The following ST8SIA4 variants were observed in gnomAD, a reference collection of about 807,000 sequenced individuals.
The protein encoded by ST8SIA4 is ST8 alpha-N-acetyl-neuraminide alpha-2,8-sialyltransferase 4.
ST8SIA4 carries 15 observed loss-of-function variants against 33.9 expected under a neutral mutation model. The observed-to-expected ratio is 0.44, with a 90% CI of 0.30 to 0.68. ST8SIA4 has a LOEUF of 0.68. Among genes scored for constraint, ST8SIA4 ranks in the 30% least tolerant of loss-of-function variants. ST8SIA4 has a pLI of 0.10. For synonymous variants in ST8SIA4, 171 were observed against 151.2 expected (o/e 1.13, Z -0.96); for missense variants, 321 against 428.0 (o/e 0.75, Z 2.21).
At chr5:100,869,293 T>C (rs915149748) in intron 3 of ST8SIA4, among the ~76,000 whole-genome samples, 13 of 152,158 alleles carry the variant, frequency 8.5e-5, no homozygotes, top group Non-Finnish European at 1.6e-4. Context: ...ATAAGTATGA[T>C]AGTTGAAAAA....
intron 3 of ST8SIA4, among the ~76,000 whole-genome samples, chr5:100,863,145 G>A (rs1751984164): frequency 6.6e-6 from 1 of 152,158 alleles, no homozygotes; most frequent in African/African-American, 2.4e-5. Context: ...CATGCAGAAA[G>A]TCACTCCCAG....
chr5:100,853,512 C>T lies in ST8SIA4; in HGVS notation c.797+2591G>A, dbSNP rs538767994. Among the ~76,000 whole-genome samples the T allele has an allele frequency of 2.0e-5, 3 of 152,198 alleles. No homozygotes were observed. In the East Asian group the frequency reaches 5.8e-4, roughly 29 times the overall value. ...ATTCAAAATCAGTTTAGAAAATATGCCTAATTCATAGTAACCAAAAAAAGC... is the reference window on the plus strand; with the variant it reads ...ATTCAAAATCAGTTTAGAAAATATGTCTAATTCATAGTAACCAAAAAAAGC... On this transcript the variant is annotated intron_variant, in intron 4 of 4. Transcript: ENST00000231461.
rs556629596 is a variant in ST8SIA4, at chr5:100,881,825, C to T, written c.503+4518G>A. Among the ~76,000 whole-genome samples the T allele has an allele frequency of 6.6e-5, 10 of 152,194 alleles. No homozygotes were observed. In the South Asian group the frequency reaches 1.0e-3, roughly 16 times the overall value. On this transcript the variant is annotated intron_variant, in intron 3 of 4. Coordinates refer to ENST00000231461, the MANE Select transcript of ST8SIA4 (RefSeq NM_005668.6). ...ATCTGATGGTTTTATCTAGGGTTTC[C>T]GCTTTTGCATCTTCCCCAGTTTCTC...
intron 1 of ST8SIA4, chr5:100,900,334 G>C: frequency 2.2e-6 from 1 of 446,906 alleles, no homozygotes; most frequent in South Asian, 1.6e-5. Flanking sequence ...ATACTGGACC[G>C]GGATCTGGAG....
intron 4 of ST8SIA4, among the ~76,000 whole-genome samples, chr5:100,824,363 A>G (rs1025933653): frequency 6.6e-5 from 10 of 152,160 alleles, no homozygotes; most frequent in Non-Finnish European, 1.3e-4. Flanking sequence ...TATTGGGGAA[A>G]TATTAAGTTT....
At chr5:100,866,070 G>A (rs1752054575) in intron 3 of ST8SIA4, among the ~76,000 whole-genome samples, 1 of 152,210 alleles carries the variant, frequency 6.6e-6, no homozygotes, top group East Asian at 1.9e-4. Flanking sequence ...AATTCTCAGT[G>A]CCTTCAGAAT....
intron 4 of ST8SIA4, among the ~76,000 whole-genome samples, chr5:100,818,617 G>A (rs1313615384): frequency 6.6e-6 from 1 of 152,162 alleles, no homozygotes; most frequent in Non-Finnish European, 1.5e-5. Context: ...ACTTTAAGAG[G>A]TCAATTGTTA....
At chr5:100,823,908 C>T (rs892729145) in intron 4 of ST8SIA4, among the ~76,000 whole-genome samples, 1 of 152,158 alleles carries the variant, frequency 6.6e-6, no homozygotes, top group Non-Finnish European at 1.5e-5. Context: ...AACTTTTTTA[C>T]TGACAGTTTG....
chr5:100,857,124 C>T (rs1168943760), intron 3 of ST8SIA4, among the ~76,000 whole-genome samples: 1 of 151,994 alleles, frequency 6.6e-6, no homozygotes, highest in Non-Finnish European at 1.5e-5. Flanking sequence ...ACGTATGCAT[C>T]CCTGGGGAAT....
intron 4 of ST8SIA4, among the ~76,000 whole-genome samples, chr5:100,854,834 C>T (rs531491225): frequency 6.6e-6 from 1 of 152,204 alleles, no homozygotes; most frequent in South Asian, 2.1e-4. Flanking sequence ...ATTTAATTGG[C>T]CCCCTGAACT....
chr5:100,874,186 T>G (rs1752256957), intron 3 of ST8SIA4, among the ~76,000 whole-genome samples: 1 of 152,144 alleles, frequency 6.6e-6, no homozygotes, highest in South Asian at 2.1e-4. Flanking sequence ...TTTCAAACTC[T>G]CAATTCTTGA....
chr5:100,832,057 G>C (rs571290485), intron 4 of ST8SIA4, among the ~76,000 whole-genome samples: 4 of 152,054 alleles, frequency 2.6e-5, no homozygotes, highest in Non-Finnish European at 5.9e-5. Flanking sequence ...TAGTTTAAAT[G>C]CTATTTTAAT....
intron 3 of ST8SIA4, among the ~76,000 whole-genome samples, chr5:100,867,337 C>A (rs913379401): frequency 1.3e-5 from 2 of 152,018 alleles, no homozygotes; most frequent in Non-Finnish European, 2.9e-5. Flanking sequence ...CCAAAATCAT[C>A]AGGGAAACTG....
chr5:100,884,490 C>T (rs1442651909), intron 3 of ST8SIA4, among the ~76,000 whole-genome samples: 3 of 152,138 alleles, frequency 2.0e-5, no homozygotes, highest in Non-Finnish European at 4.4e-5. Context: ...AACCTATAGG[C>T]TTGCCATAGC....
intron 3 of ST8SIA4, chr5:100,885,787 T>G: frequency 1.1e-6 from 1 of 908,764 alleles, no homozygotes; most frequent in African/African-American, 1.8e-5. Context: ...CATGCACGCT[T>G]AATTATGTTA....
chr5:100,848,055 C>T (rs972989256), intron 4 of ST8SIA4, among the ~76,000 whole-genome samples: 1 of 151,776 alleles, frequency 6.6e-6, no homozygotes, highest in Admixed American at 6.6e-5. Context: ...GTTATTTAGT[C>T]ACTTAAAGTA....
intron 4 of ST8SIA4, among the ~76,000 whole-genome samples, chr5:100,840,974 T>C (rs1414138929): frequency 6.6e-6 from 1 of 151,826 alleles, no homozygotes; most frequent in East Asian, 1.9e-4. Flanking sequence ...ACACTCAGTG[T>C]CACAGTAAGA....
At chr5:100,839,195 A>G (rs1751424598) in intron 4 of ST8SIA4, among the ~76,000 whole-genome samples, 1 of 152,000 alleles carries the variant, frequency 6.6e-6, no homozygotes, top group Admixed American at 6.6e-5. Flanking sequence ...TAATTATGAT[A>G]TGAATTTCAC....
intron 1 of ST8SIA4, among the ~76,000 whole-genome samples, chr5:100,898,676 T>C (rs950182734): frequency 4.6e-5 from 7 of 152,188 alleles, no homozygotes; most frequent in African/African-American, 1.7e-4. Context: ...CCATGGGATG[T>C]TTCACTCATG....
Sources: gnomAD v4.1 joint callset for allele counts (sites outside exome capture counted in the v4.1 genomes callset) on GRCh38, gnomAD v4.1.1 for gene constraint, MANE v1.5 for transcripts, NCBI Gene and HGNC (gene_info 2026-07-23, HGNC 2026-07-21) for gene names.